The following TFPI variants were observed in gnomAD, a reference collection of about 807,000 sequenced individuals.
The protein encoded by TFPI is tissue factor pathway inhibitor.
Under a neutral mutation model 34.6 loss-of-function variants are expected in TFPI, and 15 were observed. That is an observed-to-expected ratio of 0.43 (90% CI 0.29 to 0.67). The LOEUF is 0.67. Ranked by LOEUF, TFPI falls within the 30% of genes least tolerant of loss-of-function variation. The pLI is 0.15. For synonymous variants in TFPI, 105 were observed against 120.1 expected (o/e 0.87, Z 0.82); for missense variants, 301 against 364.0 (o/e 0.83, Z 1.41).
chr2:187,500,087 T>C (rs1323254860), intron 2 of TFPI, among the ~76,000 whole-genome samples: 1 of 152,204 alleles, frequency 6.6e-6, no homozygotes, highest in Non-Finnish European at 1.5e-5. Context: ...GCATTAAAGA[T>C]ATAATCACCT....
intron 2 of TFPI, among the ~76,000 whole-genome samples, chr2:187,500,997 A>G (rs1357248754): frequency 6.6e-6 from 1 of 152,212 alleles, no homozygotes; most frequent in African/African-American, 2.4e-5. Context: ...AAGGACTTAC[A>G]TAAACATTCA....
chr2:187,494,669 A>G (rs1392689686), intron 3 of TFPI, among the ~76,000 whole-genome samples: 1 of 152,216 alleles, frequency 6.6e-6, no homozygotes, highest in Non-Finnish European at 1.5e-5. Context: ...TACCAGTTAT[A>G]TCCTTATCAG....
chr2:187,484,149 T>A lies in TFPI; in HGVS notation c.603A>T (p.Gln201His). 1 of 1,612,462 alleles carries A rather than the reference T, an allele frequency of 6.2e-7. No homozygotes were observed. Among genetic ancestry groups the A allele is most frequent in the Non-Finnish European group, 8.5e-7 (1 of 1,178,842 alleles). The change falls in exon 6 of 8, where the codon CAA (glutamine) becomes CAT (histidine). Residue 201 changes from glutamine (Q) to histidine (H), a missense_variant. Coordinates refer to ENST00000233156, the MANE Select transcript of TFPI (RefSeq NM_006287.6). ...CAAAAAGGCTGGGAACCTTGGTTGATTGCGGAGTCAGGGAGTTATTCACAG... is the reference window on the plus strand; with the variant it reads ...CAAAAAGGCTGGGAACCTTGGTTGAATGCGGAGTCAGGGAGTTATTCACAG... ...LNAVNNSLTPQSTKVPSLFEF... is the reference protein window; with the variant it reads ...LNAVNNSLTPHSTKVPSLFEF...
rs139587273 is a variant in TFPI at position 187,525,711 on chromosome 2, C to T, written c.-2-21941G>A. Among the ~76,000 whole-genome samples the T allele has an allele frequency of 6.6e-5, 10 of 152,176 alleles. No homozygotes were observed. The East Asian group carries it at 1.9e-3, about 29-fold the overall frequency. ...AATATGACTGGTATCCTTATAAAAA[C>T]AGGAGATTAGGACACATAGAGGAAA... On this transcript the variant is annotated intron_variant, in intron 1 of 7. Coordinates refer to ENST00000233156, the MANE Select transcript of TFPI (RefSeq NM_006287.6).
chr2:187,553,391 T>A (rs1689161900), intron 1 of TFPI, among the ~76,000 whole-genome samples: 1 of 152,116 alleles, frequency 6.6e-6, no homozygotes, highest in Non-Finnish European at 1.5e-5. Context: ...ATGGTAGTAC[T>A]CTTGGCCCTT....
At chr2:187,472,437 G>C (rs1305490664) in intron 6 of TFPI, among the ~76,000 whole-genome samples, 2 of 152,050 alleles carry the variant, frequency 1.3e-5, no homozygotes, top group African/African-American at 2.4e-5. Context: ...TTATAACTTG[G>C]TAGATGTTGC....
At chr2:187,473,178 A>T (rs1692161643) in intron 6 of TFPI, among the ~76,000 whole-genome samples, 1 of 152,160 alleles carries the variant, frequency 6.6e-6, no homozygotes, top group Non-Finnish European at 1.5e-5. Context: ...TATATATACA[A>T]GCACATATAA....
intron 1 of TFPI, among the ~76,000 whole-genome samples, chr2:187,527,526 G>T (rs1687741190): frequency 6.6e-6 from 1 of 152,114 alleles, no homozygotes; most frequent in Admixed American, 6.5e-5. Flanking sequence ...TAACAAGTCG[G>T]CACAGAGCCT....
intron 1 of TFPI, among the ~76,000 whole-genome samples, chr2:187,550,221 G>T (rs1385538234): frequency 1.3e-5 from 2 of 152,090 alleles, no homozygotes; most frequent in Non-Finnish European, 2.9e-5. Flanking sequence ...GCATTCATAA[G>T]AGAAAAGTCT....
At chr2:187,529,501 GAGAA>G (rs946065087) in intron 1 of TFPI, 15 of 152,164 alleles carry the variant, frequency 9.9e-5, no homozygotes, top group African/African-American at 3.6e-4. Flanking sequence ...TGCACATGGA[GAGAA>G]AGAAAGATAT....
chr2:187,502,546 C>A (rs8176418), intron 2 of TFPI, among the ~76,000 whole-genome samples: 9,433 of 152,160 alleles, frequency 0.062, 330 homozygotes, highest in Middle Eastern at 0.11. Context: ...CAAAAAGGTA[C>A]ATTAGGGTTT....
chr2:187,498,847 A>G (rs1009730327), intron 2 of TFPI, among the ~76,000 whole-genome samples: 1 of 152,010 alleles, frequency 6.6e-6, no homozygotes, highest in African/African-American at 2.4e-5. Context: ...CACAATTGTC[A>G]TAAAATAGCT....
Position 187,504,226 on chromosome 2 carries a change from C to T in TFPI, c.-2-456G>A, listed in dbSNP as rs146287775. Among the ~76,000 whole-genome samples, 4 of 152,044 alleles carry T rather than the reference C, an allele frequency of 2.6e-5. No individual in the cohort carries two copies. The East Asian group carries it at 7.7e-4, about 29-fold the overall frequency. ...ACTTTTAATTCCTGATTTATCTTTC[C>T]CTCTGCTCTAGTTCTTCTTTTAAAA... is the stretch of plus-strand genomic sequence containing the variant. On this transcript the variant is annotated intron_variant, in intron 1 of 7. Coordinates refer to ENST00000233156, the MANE Select transcript of TFPI (RefSeq NM_006287.6).
intron 1 of TFPI, among the ~76,000 whole-genome samples, chr2:187,523,375 A>C (rs1687509828): frequency 6.6e-6 from 1 of 152,080 alleles, no homozygotes; most frequent in Non-Finnish European, 1.5e-5. Context: ...ATGTCCATGG[A>C]ATACAGCTTT....
chr2:187,467,095 G>T, intron 7 of TFPI, 53 bp from the exon 8 acceptor site: 1 of 1,166,606 alleles, frequency 8.6e-7, no homozygotes, highest in Non-Finnish European at 1.2e-6. Context: ...ACAATGAAAT[G>T]TTTTATCTAA....
intron 6 of TFPI, among the ~76,000 whole-genome samples, chr2:187,470,243 G>A (rs560782809): frequency 5.3e-5 from 8 of 152,246 alleles, no homozygotes; most frequent in East Asian, 1.9e-4. Context: ...GTTGTAAGTT[G>A]TATCCTTCTT....
chr2:187,468,009 G>A, intron 6 of TFPI, 77 bp from the exon 7 acceptor site: 1 of 1,236,818 alleles, frequency 8.1e-7, no homozygotes. Context: ...ATTGTTTATA[G>A]ATTAATGTTG....
At chr2:187,482,592 T>C (rs567308048) in intron 6 of TFPI, among the ~76,000 whole-genome samples, 2 of 152,112 alleles carry the variant, frequency 1.3e-5, no homozygotes, top group South Asian at 4.1e-4. Context: ...CACTGAAAGT[T>C]TGCATCCCCT....
intron 1 of TFPI, among the ~76,000 whole-genome samples, chr2:187,526,443 C>G (rs922549941): frequency 3.3e-5 from 5 of 151,108 alleles, no homozygotes; most frequent in African/African-American, 1.2e-4. Flanking sequence ...CAGATATTGA[C>G]AAAAATGAAA....
Sources: allele counts gnomAD v4.1 joint callset (sites outside exome capture counted in the v4.1 genomes callset), GRCh38; gene constraint gnomAD v4.1.1; transcripts MANE v1.5; gene names NCBI Gene and HGNC (gene_info 2026-07-23, HGNC 2026-07-21).